Variants in GRID1 observed in about 807,000 individuals in gnomAD.
GRID1 encodes the protein glutamate ionotropic receptor delta type subunit 1, also known as glutamate receptor ionotropic, delta-1.
Under a neutral mutation model 98.0 loss-of-function variants are expected in GRID1, and 28 were observed. The observed-to-expected ratio is 0.29, with a 90% confidence interval of 0.21 to 0.39. The LOEUF (loss-of-function observed/expected upper bound fraction) is 0.39. Among genes scored for constraint, GRID1 ranks in the 10% least tolerant of loss-of-function variants. GRID1 has a pLI of 1.00. For missense variants in GRID1, 1,111 were observed against 1,340.5 expected (o/e 0.83, Z 2.67); for synonymous variants, 553 against 538.5 (o/e 1.03, Z -0.37).
At chr10:85,738,343 T>C (rs1348901355) in intron 8 of GRID1, among the ~76,000 whole-genome samples, 2 of 152,184 alleles carry the variant, frequency 1.3e-5, no homozygotes, top group Non-Finnish European at 2.9e-5. Flanking sequence ...GGCAGTACAC[T>C]AAACCTCACT....
intron 6 of GRID1, among the ~76,000 whole-genome samples, chr10:85,857,533 G>A (rs902276454): frequency 2.0e-5 from 3 of 152,110 alleles, no homozygotes; most frequent in African/African-American, 7.2e-5. Context: ...GGACATTGGA[G>A]CACAAAGGAG....
intron 8 of GRID1, among the ~76,000 whole-genome samples, chr10:85,747,868 A>G (rs766967158): frequency 1.6e-4 from 25 of 152,356 alleles, no homozygotes; most frequent in Non-Finnish European, 2.9e-4. Context: ...CCGTAATCAG[A>G]AGGTGAATAG....
intron 2 of GRID1, among the ~76,000 whole-genome samples, chr10:86,236,271 T>C (rs1294339244): frequency 6.6e-6 from 1 of 152,272 alleles, no homozygotes; most frequent in Non-Finnish European, 1.5e-5. Context: ...CTCATTTATA[T>C]GTTCTGGACA....
chr10:85,612,557 CAGAGCTGTGGTTCT>C (rs1007879065), intron 15 of GRID1, among the ~76,000 whole-genome samples: 25 of 152,028 alleles, frequency 1.6e-4, no homozygotes, highest in Non-Finnish European at 2.9e-5. Flanking sequence ...AGTCTCTAAG[CAGAGCTGTGGTTCT>C]AGACATAGCT....
chr10:85,662,884 C>G lies in GRID1; in HGVS notation c.1998-15487G>C, dbSNP rs187090448. On this transcript the variant is annotated intron_variant, in intron 12 of 15. Coordinates refer to ENST00000327946, the MANE Select transcript of GRID1 (RefSeq NM_017551.3). The stretch of plus-strand genomic sequence containing the variant: ...CCTCCAGATCTGACTCTTTAGGCCT[C>G]GAAGGACTTGTCCCACTTAGTCCTC... Among the ~76,000 whole-genome samples, 387 of 152,176 alleles carry G rather than the reference C, an allele frequency of 2.5e-3. 1 individual carries two copies. Among genetic ancestry groups the G allele is most frequent in the African/African-American group, 9.0e-3 (375 of 41,528 alleles).
chr10:86,274,564 C>G lies in GRID1; in HGVS notation c.236-67916G>C, dbSNP rs1384865049. On this transcript the variant is annotated intron_variant, in intron 2 of 15. Coordinates refer to ENST00000327946, the MANE Select transcript of GRID1 (RefSeq NM_017551.3). ...ATGAGCATGGAATGTTCTTCCATTTCTTTGTATCCTCTTTTATTTCATTGA... is the reference window on the plus strand; with the variant it reads ...ATGAGCATGGAATGTTCTTCCATTTGTTTGTATCCTCTTTTATTTCATTGA... Among the ~76,000 whole-genome samples, 30 of 151,818 alleles carry G rather than the reference C, an allele frequency of 2.0e-4. 1 individual carries two copies. In the South Asian group the frequency reaches 5.7e-3, roughly 29 times the overall value.
At chr10:86,204,264 T>C (rs1046168039) in intron 3 of GRID1, among the ~76,000 whole-genome samples, 2 of 152,184 alleles carry the variant, frequency 1.3e-5, no homozygotes, top group African/African-American at 4.8e-5. Flanking sequence ...GAAAACTCCA[T>C]GTCCCCATCC....
intron 5 of GRID1, among the ~76,000 whole-genome samples, chr10:85,880,614 G>A (rs1223106246): frequency 1.3e-5 from 2 of 151,450 alleles, no homozygotes; most frequent in African/African-American, 4.9e-5. Context: ...GTATTGATGG[G>A]ACATATCTCA....
rs566661908 is a variant in GRID1, at chr10:85,975,184, G to C, written c.727-58945C>G. 5.9e-5 allele frequency among the ~76,000 whole-genome samples: 9 copies of C among 152,280 alleles called. No homozygotes were observed. The South Asian group carries it at 1.9e-3, about 32-fold the overall frequency. The stretch of plus-strand genomic sequence containing the variant: ...ATCCAAACGTTCTCTGTCTCCATTA[G>C]GGACATTCATAATTACTTCCCCACA... On this transcript the variant is annotated intron_variant, in intron 4 of 15. Transcript: ENST00000327946.
intron 12 of GRID1, among the ~76,000 whole-genome samples, chr10:85,682,819 T>A (rs1176142992): frequency 1.3e-5 from 2 of 152,202 alleles, no homozygotes; most frequent in Non-Finnish European, 2.9e-5. Flanking sequence ...GCTCCTGGAA[T>A]GTAGCTGCTT....
At chr10:86,084,902 A>G (rs1219565873) in intron 4 of GRID1, among the ~76,000 whole-genome samples, 1 of 152,150 alleles carries the variant, frequency 6.6e-6, no homozygotes, top group Non-Finnish European at 1.5e-5. Context: ...TTATTGTTTC[A>G]TGGGTACAAA....
In GRID1 at chr10:85,892,607, A is replaced by T. The variant is rs537196687; in HGVS notation, c.781-23427T>A. 1.6e-4 allele frequency among the ~76,000 whole-genome samples: 25 copies of T among 152,038 alleles called. No homozygotes were observed. In the South Asian group the frequency reaches 5.2e-3, roughly 31 times the overall value. On this transcript the variant is annotated intron_variant, in intron 5 of 15. Coordinates refer to ENST00000327946, the MANE Select transcript of GRID1 (RefSeq NM_017551.3). ...TTATACATGCAAAACTAAAGCAAAG[A>T]CGTTTTTAGAAAAATAAAAGGTAAA...
In GRID1 at chr10:85,602,586, C is replaced by T. The variant is rs1471339726; in HGVS notation, c.2717G>A (p.Gly906Glu). 1.9e-6 allele frequency: 3 copies of T among 1,613,704 alleles called. No individual in the cohort carries two copies. The highest frequency in any genetic ancestry group is 1.7e-5 in the Admixed American group (1 of 59,986). Residue 906 changes from glycine to glutamate, a missense_variant, in exon 16 of 16, where the codon GGG becomes GAG. Physicochemically the swap from Gly to Glu is moderately conservative, Grantham distance 98. Transcript: ENST00000327946. ...ASIELSALEM[G>E]GLAPTQTLEP... ...CAAGGTCTGGGTGGGAGCCAGGCCC[C>T]CCATCTCCAGGGCCGAGAGCTCAAT...
intron 5 of GRID1, among the ~76,000 whole-genome samples, chr10:85,871,543 C>T (rs73342510): frequency 0.016 from 2,381 of 152,276 alleles, 71 homozygotes; most frequent in African/African-American, 0.054. Context: ...ATTTTAACTA[C>T]AAATAGCTAC....
intron 4 of GRID1, among the ~76,000 whole-genome samples, chr10:85,965,937 G>C (rs1223177009): frequency 6.6e-6 from 1 of 152,092 alleles, no homozygotes; most frequent in East Asian, 1.9e-4. Flanking sequence ...CTCCTCCCCA[G>C]CTCCAGAGTA....
intron 4 of GRID1, among the ~76,000 whole-genome samples, chr10:85,994,268 C>G (rs757761024): frequency 6.6e-5 from 10 of 152,218 alleles, no homozygotes; most frequent in Admixed American, 6.5e-4. Flanking sequence ...AGCATGGCAG[C>G]CTGACCTGCC....
At chr10:85,754,771 C>G (rs1298530359) in intron 8 of GRID1, among the ~76,000 whole-genome samples, 2 of 152,152 alleles carry the variant, frequency 1.3e-5, no homozygotes, top group Admixed American at 1.3e-4. Flanking sequence ...GGTTCAAATT[C>G]TAGTTCCTCC....
intron 4 of GRID1, among the ~76,000 whole-genome samples, chr10:86,059,019 GA>G (rs1473934329): frequency 9.8e-5 from 15 of 152,342 alleles, no homozygotes; most frequent in Admixed American, 3.9e-4. Flanking sequence ...GGGACCAGAG[GA>G]AGTCACCAGA....
chr10:86,332,736 C>A (rs1848165286), intron 2 of GRID1, among the ~76,000 whole-genome samples: 1 of 151,906 alleles, frequency 6.6e-6, no homozygotes, highest in Non-Finnish European at 1.5e-5. Flanking sequence ...GTACCCCAAA[C>A]TCCATGGTCT....
Sources: gnomAD v4.1 joint callset for allele counts (sites outside exome capture counted in the v4.1 genomes callset) on GRCh38, gnomAD v4.1.1 for gene constraint, MANE v1.5 for transcripts, NCBI Gene and HGNC (gene_info 2026-07-23, HGNC 2026-07-21) for gene names.